LRRFIP2: variants seen among roughly 807,000 people sequenced by gnomAD.
LRRFIP2 encodes the protein LRR binding FLII interacting protein 2, also known as leucine-rich repeat flightless-interacting protein 2.
A neutral mutation model predicts 125.9 loss-of-function variants in LRRFIP2; 109 were observed. That is an observed-to-expected ratio of 0.87 (90% CI 0.74 to 1.01). The LOEUF (loss-of-function observed/expected upper bound fraction) is 1.01, where lower values mean the gene tolerates loss of function less well. Ranked by LOEUF, LRRFIP2 falls within the 50% of genes least tolerant of loss-of-function variation. The probability of loss-of-function intolerance (pLI) is 0.00; values close to 1 mark genes in which losing one functional copy is unlikely to be tolerated. For missense variants in LRRFIP2, 850 were observed against 862.3 expected, an observed-to-expected ratio of 0.99 and a Z score of 0.18; for synonymous variants, 291 against 293.1, an observed-to-expected ratio of 0.99 and a Z score of 0.07.
chr3:37,169,941 T>A (rs1263974283), intron 1 of LRRFIP2, among the ~76,000 whole-genome samples: 1 of 152,242 alleles, frequency 6.6e-6, no homozygotes, highest in Non-Finnish European at 1.5e-5. Flanking sequence ...TGCTTTTTAT[T>A]TCTTTTCTTT....
chr3:37,114,912 T>A, intron 7 of LRRFIP2, 142 bp downstream of exon 7: 1 of 620,928 alleles, frequency 1.6e-6, no homozygotes, highest in Non-Finnish European at 2.9e-6. Context: ...CCACAAAACA[T>A]TAGCTTTTTG....
intron 2 of LRRFIP2, chr3:37,135,127 A>G (rs1005839914): frequency 7.9e-7 from 1 of 1,269,872 alleles, no homozygotes; most frequent in African/African-American, 1.5e-5. Flanking sequence ...AGTCAGAATA[A>G]CCTGCATTAT....
At chr3:37,131,561 T>C (rs892707654) in intron 2 of LRRFIP2, among the ~76,000 whole-genome samples, 2 of 152,222 alleles carry the variant, frequency 1.3e-5, no homozygotes, top group African/African-American at 4.8e-5. Flanking sequence ...AGTGGAATGG[T>C]TTCCTCTGTC....
At chr3:37,137,583 A>C (rs942554672) in intron 2 of LRRFIP2, among the ~76,000 whole-genome samples, 35 of 152,146 alleles carry the variant, frequency 2.3e-4, no homozygotes, top group South Asian at 2.1e-4. Flanking sequence ...ATAGGTAAAT[A>C]ATCTTCTCCT....
At chr3:37,074,651 G>A (rs967500636) in intron 20 of LRRFIP2, among the ~76,000 whole-genome samples, 1 of 152,106 alleles carries the variant, frequency 6.6e-6, no homozygotes, top group Non-Finnish European at 1.5e-5. Flanking sequence ...CCTGAGAAAT[G>A]TATTTACCTG....
In LRRFIP2 at chr3:37,055,284, G is replaced by A. The variant is rs551144094; in HGVS notation, c.1871-119C>T. On this transcript the variant is annotated intron_variant, in intron 25 of 27. Transcript: ENST00000336686. Reference sequence around the variant, plus strand: ...CAGTCTTAAGATTACAAAATACAGGGCTGGGCGCGGTGACTCACGCCTGTA... The same window carrying A: ...CAGTCTTAAGATTACAAAATACAGGACTGGGCGCGGTGACTCACGCCTGTA... 40 of 591,560 alleles carry A rather than the reference G, an allele frequency of 6.8e-5. 1 individual carries two copies. The South Asian group carries it at 1.0e-3, about 15-fold the overall frequency. 36.6% of individuals were successfully genotyped at this position (591,560 alleles called of 1,614,324 possible).
chr3:37,119,459 T>C (rs1427918833), intron 6 of LRRFIP2, among the ~76,000 whole-genome samples: 2 of 152,158 alleles, frequency 1.3e-5, no homozygotes, highest in African/African-American at 4.8e-5. Flanking sequence ...AACAAATATA[T>C]AATCAAATTT....
intron 2 of LRRFIP2, among the ~76,000 whole-genome samples, chr3:37,131,553 T>C (rs1379007913): frequency 1.3e-5 from 2 of 152,220 alleles, no homozygotes; most frequent in Admixed American, 1.3e-4. Context: ...TATATGGTAG[T>C]GGAATGGTTT....
upstream of LRRFIP2, chr3:37,175,005 C>T (rs912853882): frequency 2.0e-5 from 3 of 152,246 alleles, no homozygotes; most frequent in Admixed American, 1.3e-4. Context: ...GCAAGATATT[C>T]AAACCACAAC....
At chr3:37,134,800 G>C (rs1295452926) in intron 2 of LRRFIP2, 2 of 839,778 alleles carry the variant, frequency 2.4e-6, no homozygotes, top group Non-Finnish European at 4.1e-6. Context: ...TATCAAAGCG[G>C]TGTATTCTTT....
chr3:37,105,867 T>C (rs6550455), intron 13 of LRRFIP2, among the ~76,000 whole-genome samples: 68,553 of 151,964 alleles, frequency 0.45, 16,170 homozygotes, highest in Non-Finnish European at 0.49. Context: ...GAGTTCAAGA[T>C]GAACCTGACC....
Position 37,058,887 on chromosome 3 carries a change from T to C in LRRFIP2, c.1773A>G (p.Leu591=), listed in dbSNP as rs1301749958. Residue 591 remains leucine (L), a synonymous_variant, in exon 25 of 28, where the codon TTA becomes TTG. Transcript: ENST00000336686. The part of the protein sequence containing the change: ...LSQIRKLKLQ[L]EEERQKCSRN... ...TGGAGCATTTCTGTCGTTCCTCCTC[T>C]AACTGAAGCTTCAGTTTTCTAATCT... is the stretch of plus-strand genomic sequence containing the variant. The C allele has an allele frequency of 6.2e-7, 1 of 1,613,984 alleles. No homozygotes were observed. The highest frequency in any genetic ancestry group is 1.7e-5 in the Admixed American group (1 of 60,022).
chr3:37,061,707 T>G (rs1166014749), intron 24 of LRRFIP2, among the ~76,000 whole-genome samples: 1 of 152,058 alleles, frequency 6.6e-6, no homozygotes, highest in African/African-American at 2.4e-5. Context: ...TCTTTATAAA[T>G]TACCCAGCCT....
At chr3:37,126,208 T>G (rs2095268019) in intron 4 of LRRFIP2, among the ~76,000 whole-genome samples, 1 of 152,104 alleles carries the variant, frequency 6.6e-6, no homozygotes, top group African/African-American at 2.4e-5. Flanking sequence ...TTTTGTATTT[T>G]TGGTAGAGAC....
rs1306327485 is a variant in LRRFIP2, at chr3:37,112,918, T to C, written c.435A>G (p.Leu145=). 2.6e-6 allele frequency: 4 copies of C among 1,546,020 alleles called. No homozygotes were observed. The highest frequency in any genetic ancestry group is 2.7e-6 in the Non-Finnish European group (3 of 1,127,864). The change falls in exon 8 of 28, where the codon CTA becomes CTG. Residue 145 remains leucine (L), a synonymous_variant. Transcript: ENST00000336686. ...KKRSSDSHKD[L]LSGLYFDQRN... ...TATGAGAGACAACAGAACTAACCAG[T>C]AGGTCTTTATGAGAATCAGAAGACC... is the stretch of plus-strand genomic sequence containing the variant.
At chr3:37,059,199 T>G (rs1184247973) in intron 24 of LRRFIP2, among the ~76,000 whole-genome samples, 1 of 152,104 alleles carries the variant, frequency 6.6e-6, no homozygotes, top group Non-Finnish European at 1.5e-5. Flanking sequence ...TGGGGTATTT[T>G]TTGTTACTTT....
rs890902641 is a variant in LRRFIP2 at position 37,056,112 on chromosome 3, C to T, written c.1871-947G>A. On this transcript the variant is annotated intron_variant, in intron 25 of 27. Coordinates refer to ENST00000336686, the MANE Select transcript of LRRFIP2 (RefSeq NM_006309.4). Reference sequence around the variant, plus strand: ...ACCTATGTACCTAGCCAAGTGCACACAGTGTATGCCTAAATAAATATATGT... The same window carrying T: ...ACCTATGTACCTAGCCAAGTGCACATAGTGTATGCCTAAATAAATATATGT... 4.6e-5 allele frequency among the ~76,000 whole-genome samples: 7 copies of T among 152,272 alleles called. No individual in the cohort carries two copies. The East Asian group carries it at 1.4e-3, about 29-fold the overall frequency.
chr3:37,095,355 G>GTGAAGATACTAT (rs1394587914), intron 16 of LRRFIP2, among the ~76,000 whole-genome samples: 1 of 152,142 alleles, frequency 6.6e-6, no homozygotes, highest in Non-Finnish European at 1.5e-5. Context: ...GTTGATAAAG[G>GTGAAGATACTAT]TGAAGATACT....
chr3:37,126,847 G>A (rs1321007142), intron 4 of LRRFIP2, among the ~76,000 whole-genome samples: 9 of 142,732 alleles, frequency 6.3e-5, no homozygotes, highest in African/African-American at 2.1e-4. Flanking sequence ...CAACAAGCGC[G>A]AAACTCCATC....
Sources: gnomAD v4.1 joint callset for allele counts (sites outside exome capture counted in the v4.1 genomes callset) on GRCh38, gnomAD v4.1.1 for gene constraint, MANE v1.5 for transcripts, NCBI Gene and HGNC (gene_info 2026-07-23, HGNC 2026-07-21) for gene names.